Variants in DLC1 observed in about 807,000 individuals in gnomAD.
DLC1 encodes the protein DLC1 Rho GTPase activating protein.
DLC1 carries 54 observed loss-of-function variants against 140.3 expected under a neutral mutation model. The ratio of observed to expected loss-of-function variants is 0.38; its 90% CI spans 0.31 to 0.48. The LOEUF is 0.48. Ranked by LOEUF, DLC1 falls within the 20% of genes least tolerant of loss-of-function variation. The pLI is 0.96. For synonymous variants in DLC1, 986 were observed against 728.1 expected, an observed-to-expected ratio of 1.35 and a Z score of -5.70; for missense variants, 2,536 against 1,907.0, an observed-to-expected ratio of 1.33 and a Z score of -6.14.
intron 1 of DLC1, among the ~76,000 whole-genome samples, chr8:13,511,342 G>A (rs1156477312): frequency 6.6e-6 from 1 of 151,036 alleles, no homozygotes; most frequent in African/African-American, 2.4e-5. Context: ...TGGCATTTGA[G>A]TCACTGTTTA....
chr8:13,553,688 T>G (rs539819206), intron 1 of DLC1, among the ~76,000 whole-genome samples: 1 of 152,056 alleles, frequency 6.6e-6, no homozygotes, highest in East Asian at 1.9e-4. Context: ...GGCAAAATTT[T>G]TAAAAGAGTT....
At chr8:13,481,757 A>C (rs1050142897) in intron 2 of DLC1, among the ~76,000 whole-genome samples, 1 of 152,132 alleles carries the variant, frequency 6.6e-6, no homozygotes, top group African/African-American at 2.4e-5. Context: ...ATGTGACTTT[A>C]TTTGGAAATA....
intron 1 of DLC1, among the ~76,000 whole-genome samples, chr8:13,543,133 A>G (rs540421902): frequency 6.6e-6 from 1 of 152,264 alleles, no homozygotes; most frequent in Admixed American, 6.5e-5. Flanking sequence ...AACCTTGCAT[A>G]TTGTTGGTAT....
Position 13,499,683 on chromosome 8 carries a change from G to A in DLC1, c.389C>T (p.Thr130Ile), listed in dbSNP as rs777937012. Residue 130 changes from threonine (T) to isoleucine (I), a missense_variant, in exon 2 of 18, where the codon ACC (threonine) becomes ATC (isoleucine). By Grantham distance (89) the Thr-to-Ile change is moderately conservative. Coordinates refer to ENST00000276297, the MANE Select transcript of DLC1 (RefSeq NM_182643.3). ...TTGGCCTGATGTTTTCTGCCCTTGGGTATTTAAAACCTGTTTATCATCTGT... is the reference window on the plus strand; with the variant it reads ...TTGGCCTGATGTTTTCTGCCCTTGGATATTTAAAACCTGTTTATCATCTGT... ...CLTDDKQVLN[T>I]QGQKTSGQHM... 2 of 1,614,110 alleles carry A rather than the reference G, an allele frequency of 1.2e-6. No individual in the cohort carries two copies. Among genetic ancestry groups the A allele is most frequent in the Non-Finnish European group, 1.7e-6 (2 of 1,179,996 alleles).
chr8:13,216,823 C>T (rs1362009902), intron 5 of DLC1, among the ~76,000 whole-genome samples: 2 of 152,118 alleles, frequency 1.3e-5, no homozygotes, highest in South Asian at 2.1e-4. Context: ...TCAAAAATAT[C>T]TCTAGACATT....
rs551397614 is a variant in DLC1 at position 13,446,942 on chromosome 8, C to CA, written c.1024-45324dup. Among the ~76,000 whole-genome samples the CA allele has an allele frequency of 5.3e-3, 634 of 119,880 alleles. 3 individuals carry two copies. The highest frequency in any genetic ancestry group is 0.02 in the East Asian group (82 of 4,096). The allele number at this position is 119,880 out of a possible 152,430, so 78.6% of individuals were successfully genotyped here. ...GGGTAACAAAAGTGAAACTCCATCT[C>CA]AAAAAAAAAAAGAAGGAAGGAATGA... On this transcript the variant is annotated intron_variant, in intron 2 of 17. Transcript: ENST00000276297.
rs572231822 is a variant in DLC1, at chr8:13,306,366, T to A, written c.1315-1064A>T. On this transcript the variant is annotated intron_variant, in intron 4 of 17. Coordinates refer to ENST00000276297, the MANE Select transcript of DLC1 (RefSeq NM_182643.3). ...AAGTTGACTTTCTGGTTCTCATTCA[T>A]CTCAGTTACTCACGTATAAAATATA... Among the ~76,000 whole-genome samples the A allele has an allele frequency of 5.3e-5, 8 of 152,338 alleles. No homozygotes were observed. In the South Asian group the frequency reaches 1.7e-3, roughly 32 times the overall value.
At position 13,099,609 on chromosome 8, in the gene DLC1, G is replaced by C; in HGVS notation, c.2728C>G (p.Leu910Val). The C allele has an allele frequency of 1.2e-6, 2 of 1,614,204 alleles. No homozygotes were observed. Among genetic ancestry groups the C allele is most frequent in the Non-Finnish European group, 8.5e-7 (1 of 1,180,036 alleles). Reference protein sequence around the residue: ...EDIFPELDDILYHVKGMQRIV... With the variant: ...EDIFPELDDIVYHVKGMQRIV... ...CGCTGCATCCCCTTCACGTGGTAGAGGATGTCGTCCAGCTCGGGGAAGATG... is the reference window on the plus strand; with the variant it reads ...CGCTGCATCCCCTTCACGTGGTAGACGATGTCGTCCAGCTCGGGGAAGATG... The change falls in exon 9 of 18, where the codon CTC becomes GTC. Residue 910 changes from leucine (L) to valine (V), a missense_variant. By Grantham distance (32) the Leu-to-Val change is conservative. Coordinates refer to ENST00000276297, the MANE Select transcript of DLC1 (RefSeq NM_182643.3).
At chr8:13,189,607 G>A (rs959966182) in intron 5 of DLC1, among the ~76,000 whole-genome samples, 1 of 152,158 alleles carries the variant, frequency 6.6e-6, no homozygotes, top group Non-Finnish European at 1.5e-5. Context: ...CTCTGGCAGG[G>A]CGCTGTGTCT....
intron 2 of DLC1, among the ~76,000 whole-genome samples, chr8:13,417,194 G>A (rs965606739): frequency 6.6e-6 from 1 of 151,912 alleles, no homozygotes; most frequent in African/African-American, 2.4e-5. Context: ...GCACCTATGA[G>A]TACCTACTTT....
Position 13,088,520 on chromosome 8 carries a change from G to A in DLC1, c.4259C>T (p.Ala1420Val). The A allele has an allele frequency of 1.2e-6, 2 of 1,614,222 alleles. No homozygotes were observed. Among genetic ancestry groups the A allele is most frequent in the Non-Finnish European group, 1.7e-6 (2 of 1,180,040 alleles). Residue 1420 changes from alanine (A) to valine (V), a missense_variant, in exon 16 of 18, where the codon GCA becomes GTA. Coordinates refer to ENST00000276297, the MANE Select transcript of DLC1 (RefSeq NM_182643.3). Reference protein sequence around the residue: ...EIYQYVQNSMAPHPARDYVVL... With the variant: ...EIYQYVQNSMVPHPARDYVVL... ...AACGTAGTCTCGAGCAGGATGAGGT[G>A]CCATACTGTTTTGGACATACTGGTA...
chr8:13,201,879 A>C (rs1827398488), intron 5 of DLC1, among the ~76,000 whole-genome samples: 1 of 150,662 alleles, frequency 6.6e-6, no homozygotes, highest in African/African-American at 2.4e-5. Context: ...TTTGTCATAC[A>C]GATTATTTTC....
In DLC1 at chr8:13,095,257, C is replaced by T. The variant is rs1431064009; in HGVS notation, c.3168-12G>A. 5.6e-6 allele frequency: 9 copies of T among 1,614,188 alleles called. No individual in the cohort carries two copies. The highest frequency in any genetic ancestry group is 1.7e-4 in the Middle Eastern group (1 of 6,060). On this transcript the variant is annotated splice_polypyrimidine_tract_variant and intron_variant, in intron 10 of 17. Transcript: ENST00000276297. Reference sequence around the variant, plus strand: ...ACTTGGGCACGGCCCTGTTAAAGAACACAGAGATGGTGGTGTTGGCGGAGA... The same window carrying T: ...ACTTGGGCACGGCCCTGTTAAAGAATACAGAGATGGTGGTGTTGGCGGAGA...
chr8:13,396,839 C>T (rs187785022), intron 3 of DLC1, among the ~76,000 whole-genome samples: 5 of 152,182 alleles, frequency 3.3e-5, no homozygotes, highest in Admixed American at 1.3e-4. Context: ...CTCTCACATC[C>T]GCTCCCTCCT....
chr8:13,550,390 A>G (rs1306115700), intron 1 of DLC1, among the ~76,000 whole-genome samples: 1 of 152,240 alleles, frequency 6.6e-6, no homozygotes, highest in East Asian at 1.9e-4. Context: ...AGTCAATTGT[A>G]CTTCTCTTCT....
At chr8:13,148,092 T>C (rs1823563324) in intron 5 of DLC1, among the ~76,000 whole-genome samples, 1 of 152,024 alleles carries the variant, frequency 6.6e-6, no homozygotes, top group African/African-American at 2.4e-5. Flanking sequence ...TTGTGCTGTG[T>C]GTTGCATGTG....
Position 13,100,002 on chromosome 8 carries a change from A to T in DLC1, c.2335T>A (p.Phe779Ile). The change falls in exon 9 of 18, where the codon TTC (phenylalanine) becomes ATC (isoleucine). Residue 779 changes from phenylalanine to isoleucine, a missense_variant. Coordinates refer to ENST00000276297, the MANE Select transcript of DLC1 (RefSeq NM_182643.3). ...AATGTTGACTGATTGAAAGGATCGA[A>T]GCCCTCTAAGTACATGCCCACCCGC... ...NKRVGMYLEGFDPFNQSTFNN... is the reference protein window; with the variant it reads ...NKRVGMYLEGIDPFNQSTFNN... 6.2e-7 allele frequency: 1 copy of T among 1,612,546 alleles called. No homozygotes were observed. The highest frequency in any genetic ancestry group is 8.5e-7 in the Non-Finnish European group (1 of 1,180,028).
At chr8:13,507,022 G>C (rs1802124071) in intron 1 of DLC1, among the ~76,000 whole-genome samples, 1 of 152,104 alleles carries the variant, frequency 6.6e-6, no homozygotes, top group Non-Finnish European at 1.5e-5. Flanking sequence ...AACTAGAAAA[G>C]ACGATCAACA....
intron 4 of DLC1, among the ~76,000 whole-genome samples, chr8:13,309,776 C>T (rs186630424): frequency 4.6e-5 from 7 of 152,078 alleles, no homozygotes; most frequent in South Asian, 2.1e-4. Flanking sequence ...AAGCTGCTAA[C>T]GTAAATAGCA....
Sources: gnomAD v4.1 joint callset for allele counts (sites outside exome capture counted in the v4.1 genomes callset) on GRCh38, gnomAD v4.1.1 for gene constraint, MANE v1.5 for transcripts, NCBI Gene and HGNC (gene_info 2026-07-23, HGNC 2026-07-21) for gene names.